The following CLEC16A variants were observed in gnomAD, a reference collection of about 807,000 sequenced individuals.
CLEC16A encodes protein CLEC16A.
A neutral mutation model predicts 109.5 loss-of-function variants in CLEC16A; 51 were observed. The observed-to-expected ratio is 0.47, with a 90% confidence interval of 0.37 to 0.59. CLEC16A has a LOEUF of 0.59. Ranked by LOEUF, CLEC16A falls within the 20% of genes least tolerant of loss-of-function variation. CLEC16A has a pLI of 0.00. For synonymous variants in CLEC16A, 673 were observed against 564.2 expected (o/e 1.19, Z -2.73); for missense variants, 1,339 against 1,394.0 (o/e 0.96, Z 0.63).
chr16:11,128,547 G>T (rs1208202518), intron 22 of CLEC16A, among the ~76,000 whole-genome samples: 1 of 152,236 alleles, frequency 6.6e-6, no homozygotes, highest in African/African-American at 2.4e-5. Flanking sequence ...GTGCCACTCA[G>T]CTATGAGGAG....
At chr16:11,099,836 C>T (rs767770358) in intron 19 of CLEC16A, among the ~76,000 whole-genome samples, 28 of 152,202 alleles carry the variant, frequency 1.8e-4, no homozygotes, top group Non-Finnish European at 3.7e-4. Context: ...CTGGGACCCA[C>T]GTGCTGTTTT....
At chr16:11,161,244 C>T (rs554324437) in intron 22 of CLEC16A, among the ~76,000 whole-genome samples, 5 of 152,204 alleles carry the variant, frequency 3.3e-5, no homozygotes, top group African/African-American at 9.6e-5. Context: ...TTAGGTAGGC[C>T]GACTCCTACA....
At chr16:11,085,482 G>T (rs1007828344) in intron 19 of CLEC16A, among the ~76,000 whole-genome samples, 1 of 152,274 alleles carries the variant, frequency 6.6e-6, no homozygotes, top group African/African-American at 2.4e-5. Context: ...ATCTTTCTGC[G>T]TGTCTGTTTC....
At chr16:10,970,917 C>T (rs2042752287) in intron 4 of CLEC16A, among the ~76,000 whole-genome samples, 1 of 150,430 alleles carries the variant, frequency 6.6e-6, no homozygotes, top group Non-Finnish European at 1.5e-5. Flanking sequence ...CGGACTTGGA[C>T]TCTTCTGTTT....
chr16:11,068,159 C>A (rs2048869557), intron 19 of CLEC16A, among the ~76,000 whole-genome samples: 1 of 152,082 alleles, frequency 6.6e-6, no homozygotes, highest in Non-Finnish European at 1.5e-5. Context: ...AAATCTATTC[C>A]CCTCTCTGTG....
In CLEC16A at chr16:11,093,976, A is replaced by C. The variant is rs186406700; in HGVS notation, c.2117-26639A>C. On this transcript the variant is annotated intron_variant, in intron 19 of 23. Coordinates refer to ENST00000409790, the MANE Select transcript of CLEC16A (RefSeq NM_015226.3). ...AGAAGGGAGGACCCACAGGCTTCCTAGCCTGTTGGGGTGGAGGGGTGACGA... is the reference window on the plus strand; with the variant it reads ...AGAAGGGAGGACCCACAGGCTTCCTCGCCTGTTGGGGTGGAGGGGTGACGA... 2.5e-3 allele frequency among the ~76,000 whole-genome samples: 377 copies of C among 152,278 alleles called. 5 individuals carry two copies. Among genetic ancestry groups the C allele is most frequent in the East Asian group, 1.9e-3 (10 of 5,184 alleles).
At chr16:10,982,294 T>C (rs951202215) in intron 9 of CLEC16A, among the ~76,000 whole-genome samples, 3 of 152,148 alleles carry the variant, frequency 2.0e-5, no homozygotes, top group African/African-American at 4.8e-5. Flanking sequence ...TGGGTTTGCC[T>C]CTGTCTCGTG....
intron 19 of CLEC16A, among the ~76,000 whole-genome samples, chr16:11,101,952 A>G (rs1174214800): frequency 6.7e-6 from 1 of 148,970 alleles, no homozygotes; most frequent in African/African-American, 2.5e-5. Context: ...ACAGGTGCAC[A>G]CCACCACATC....
intron 22 of CLEC16A, among the ~76,000 whole-genome samples, chr16:11,150,946 G>A (rs181834308): frequency 6.6e-6 from 1 of 152,208 alleles, no homozygotes; most frequent in East Asian, 1.9e-4. Context: ...GTGAAAATCT[G>A]CGTCCAAATT....
At chr16:11,126,174 A>G (rs1286468869) in intron 22 of CLEC16A, 28 bp downstream of exon 22, 1 of 1,613,388 alleles carries the variant, frequency 6.2e-7, no homozygotes, top group South Asian at 1.1e-5. Context: ...CCTGCGCCAC[A>G]GCTCGTTCAT....
intron 11 of CLEC16A, among the ~76,000 whole-genome samples, chr16:11,014,117 C>A (rs1342017859): frequency 6.6e-6 from 1 of 152,062 alleles, no homozygotes; most frequent in African/African-American, 2.4e-5. Context: ...TATAGATAAC[C>A]AACTTGATTG....
intron 22 of CLEC16A, among the ~76,000 whole-genome samples, chr16:11,144,228 G>A (rs116107845): frequency 6.6e-6 from 1 of 152,194 alleles, no homozygotes; most frequent in African/African-American, 2.4e-5. Context: ...TATCCCAGGA[G>A]AGCAAGGAGC....
rs138784314 is a variant in CLEC16A at position 10,993,791 on chromosome 16, T to C, written c.1072-9283T>C. Among the ~76,000 whole-genome samples, 49 of 152,324 alleles carry C rather than the reference T, an allele frequency of 3.2e-4. No individual in the cohort carries two copies. The East Asian group carries it at 7.1e-3, about 22-fold the overall frequency. Reference sequence around the variant, plus strand: ...ATTTTGTGTGATTGAAGAGGCCTGTTCAATGCTCGTGATGATCTTGCAATT... The same window carrying C: ...ATTTTGTGTGATTGAAGAGGCCTGTCCAATGCTCGTGATGATCTTGCAATT... On this transcript the variant is annotated intron_variant, in intron 10 of 23. Coordinates refer to ENST00000409790, the MANE Select transcript of CLEC16A (RefSeq NM_015226.3).
At chr16:10,996,956 G>A (rs940678325) in intron 10 of CLEC16A, among the ~76,000 whole-genome samples, 1 of 152,102 alleles carries the variant, frequency 6.6e-6, no homozygotes, top group Non-Finnish European at 1.5e-5. Context: ...TAAACTTTTT[G>A]GTGTTTTTTG....
chr16:11,131,824 C>T (rs1217957852), intron 22 of CLEC16A, among the ~76,000 whole-genome samples: 1 of 152,226 alleles, frequency 6.6e-6, no homozygotes, highest in Non-Finnish European at 1.5e-5. Flanking sequence ...CCAGCCCTCT[C>T]TCCCCTCGGC....
chr16:11,131,384 C>G (rs2053197055), intron 22 of CLEC16A, among the ~76,000 whole-genome samples: 2 of 152,222 alleles, frequency 1.3e-5, no homozygotes, highest in African/African-American at 2.4e-5. Context: ...AAGCTGTTCC[C>G]CAGAAATGAC....
intron 12 of CLEC16A, among the ~76,000 whole-genome samples, chr16:11,022,337 C>CTTTT (rs36094157): frequency 7.0e-4 from 65 of 93,448 alleles, no homozygotes; most frequent in Non-Finnish European, 8.6e-4. Context: ...GTCTGGCTAC[C>CTTTT]TTTTTTTTTT....
At chr16:11,117,701 T>G (rs953019950) in intron 19 of CLEC16A, among the ~76,000 whole-genome samples, 1 of 152,196 alleles carries the variant, frequency 6.6e-6, no homozygotes, top group Non-Finnish European at 1.5e-5. Flanking sequence ...ACTTCACTCC[T>G]CATGGGTAAC....
intron 19 of CLEC16A, chr16:11,071,086 G>T (rs982318177): frequency 1.3e-5 from 2 of 152,212 alleles, no homozygotes; most frequent in Non-Finnish European, 2.9e-5. Flanking sequence ...ATTTTCATCG[G>T]ATTGCCTGGA....
Sources: allele counts gnomAD v4.1 joint callset (sites outside exome capture counted in the v4.1 genomes callset), GRCh38; gene constraint gnomAD v4.1.1; transcripts MANE v1.5; gene names NCBI Gene and HGNC (gene_info 2026-07-23, HGNC 2026-07-21).